The following SHQ1 variants were observed in gnomAD, a reference collection of about 807,000 sequenced individuals.
SHQ1 encodes SHQ1, H/ACA ribonucleoprotein assembly factor.
Under a neutral mutation model 53.8 loss-of-function variants are expected in SHQ1, and 49 were observed. The ratio of observed to expected loss-of-function variants is 0.91; its 90% CI spans 0.72 to 1.16. The LOEUF (loss-of-function observed/expected upper bound fraction) is 1.16. Ranked by LOEUF, SHQ1 falls within the 50% of genes most tolerant of loss-of-function variation. The pLI, the probability that SHQ1 is intolerant of heterozygous loss-of-function variation, is 0.00. For missense variants in SHQ1, 738 were observed against 683.1 expected (o/e 1.08, Z -0.90); for synonymous variants, 243 against 251.0 (o/e 0.97, Z 0.30).
intron 10 of SHQ1, among the ~76,000 whole-genome samples, chr3:72,783,852 C>T (rs1168005427): frequency 6.6e-6 from 1 of 151,918 alleles, no homozygotes; most frequent in Non-Finnish European, 1.5e-5. Flanking sequence ...TCTTGAATAA[C>T]CAAAATGTCC....
chr3:72,738,316 A>C, the SHQ1 span, among the ~76,000 whole-genome samples: 66 of 152,204 alleles, frequency 4.3e-4, no homozygotes, highest in African/African-American at 1.6e-3. Flanking sequence ...AGCCCTTTGC[A>C]ATCTGTAAAG....
chr3:72,740,975 C>G, the SHQ1 span, among the ~76,000 whole-genome samples: 5 of 152,226 alleles, frequency 3.3e-5, no homozygotes, highest in African/African-American at 1.2e-4. Context: ...GCCTTATCCT[C>G]TCTTCATTTC....
chr3:72,831,345 C>A (rs905420402), intron 5 of SHQ1, among the ~76,000 whole-genome samples: 1 of 152,160 alleles, frequency 6.6e-6, no homozygotes, highest in Non-Finnish European at 1.5e-5. Context: ...AGAGCTACAG[C>A]AGTTAAACTG....
chr3:72,845,486 A>G (rs78967455), intron 1 of SHQ1, among the ~76,000 whole-genome samples: 1 of 134,914 alleles, frequency 7.4e-6, no homozygotes. Context: ...TTCTGTGTCC[A>G]AAAAAAAAAA....
chr3:72,831,074 T>C (rs1707807229), intron 5 of SHQ1, among the ~76,000 whole-genome samples: 1 of 152,228 alleles, frequency 6.6e-6, no homozygotes, highest in Non-Finnish European at 1.5e-5. Flanking sequence ...ATGGGTTTCT[T>C]CAAATTGCTC....
chr3:72,787,924 C>G (rs559508181), intron 10 of SHQ1, among the ~76,000 whole-genome samples: 1 of 152,212 alleles, frequency 6.6e-6, no homozygotes, highest in Non-Finnish European at 1.5e-5. Context: ...CCGTGCTGGC[C>G]GGGCTGGTCT....
chr3:72,840,616 GAC>G (rs1708150825), intron 4 of SHQ1, among the ~76,000 whole-genome samples: 1 of 149,402 alleles, frequency 6.7e-6, no homozygotes, highest in Non-Finnish European at 1.5e-5. Context: ...CCAAGAATTA[GAC>G]AATTTGATCA....
At chr3:72,788,359 C>T (rs920835465) in intron 10 of SHQ1, among the ~76,000 whole-genome samples, 40 of 151,006 alleles carry the variant, frequency 2.6e-4, no homozygotes, top group Admixed American at 1.3e-3. Flanking sequence ...GTCTCTGCCC[C>T]GCCGCCACCC....
chr3:72,817,492 T>C, intron 6 of SHQ1, 108 bp from the exon 7 acceptor site: 1 of 1,039,454 alleles, frequency 9.6e-7, no homozygotes, highest in African/African-American at 1.6e-5. Flanking sequence ...GAAATAAAAG[T>C]TCTTTCTACT....
In SHQ1 at chr3:72,750,227, C is replaced by T. The variant is rs772603487; in HGVS notation, c.*57G>A. On this transcript the variant is annotated 3_prime_UTR_variant, in exon 11 of 11. Coordinates refer to ENST00000325599, the MANE Select transcript of SHQ1 (RefSeq NM_018130.3). ...AAAGTGAAAATGAAGAATTCTCATTCGGTAAATGAAACCCAATCTACCATA... is the reference window on the plus strand; with the variant it reads ...AAAGTGAAAATGAAGAATTCTCATTTGGTAAATGAAACCCAATCTACCATA... The T allele has an allele frequency of 7.2e-5, 97 of 1,338,622 alleles. No homozygotes were observed. Among genetic ancestry groups the T allele is most frequent in the Non-Finnish European group, 3.1e-5 (30 of 968,110 alleles). 82.9% of individuals were successfully genotyped at this position (1,338,622 alleles called of 1,614,324 possible). A position where few individuals can be genotyped will look rare whatever the true frequency, so the allele number is the denominator to read the frequency against.
At chr3:72,801,141 T>TAA (rs11366992) in intron 9 of SHQ1, among the ~76,000 whole-genome samples, 1 of 149,618 alleles carries the variant, frequency 6.7e-6, no homozygotes, top group Non-Finnish European at 1.5e-5. Flanking sequence ...GGTAGAACAT[T>TAA]AAAAAAAAAA....
the SHQ1 span, among the ~76,000 whole-genome samples, chr3:72,735,941 G>T: frequency 2.0e-5 from 3 of 151,834 alleles, no homozygotes; most frequent in Non-Finnish European, 4.4e-5. Flanking sequence ...CTGCTTTCTG[G>T]TATATGCAAT....
At chr3:72,842,910 C>A (rs1410662496) in intron 2 of SHQ1, among the ~76,000 whole-genome samples, 9 of 152,076 alleles carry the variant, frequency 5.9e-5, no homozygotes, top group Admixed American at 5.9e-4. Flanking sequence ...CCCATCTCTA[C>A]TAAAAAATAC....
chr3:72,848,413 A>G lies in SHQ1; in HGVS notation c.-73T>C, dbSNP rs1020407763. On this transcript the variant is annotated 5_prime_UTR_variant, in exon 1 of 11. Transcript: ENST00000325599. ...GCGTTCCCGCCACGCAAACTCTCCA[A>G]CTCCCCACGCGCAGGAACTCTCGGT... 5.8e-6 allele frequency: 9 copies of G among 1,564,968 alleles called. No individual in the cohort carries two copies. The highest frequency in any genetic ancestry group is 1.4e-5 in the African/African-American group (1 of 72,438).
intron 9 of SHQ1, among the ~76,000 whole-genome samples, chr3:72,797,428 C>A (rs895304445): frequency 3.3e-5 from 5 of 152,038 alleles, no homozygotes; most frequent in African/African-American, 1.2e-4. Flanking sequence ...TCTATACTTT[C>A]CTCTATTTTC....
intron 10 of SHQ1, among the ~76,000 whole-genome samples, chr3:72,783,724 G>A (rs1011786442): frequency 7.9e-5 from 12 of 151,984 alleles, no homozygotes; most frequent in Non-Finnish European, 1.6e-4. Flanking sequence ...TCTCAAATAC[G>A]TCAAACCCAT....
chr3:72,750,910 C>CA (rs999034628), intron 10 of SHQ1, 74 bp from the exon 11 acceptor site: 5 of 1,276,692 alleles, frequency 3.9e-6, no homozygotes, highest in Admixed American at 5.9e-5. Context: ...ATACAGCTTC[C>CA]AAAAAAATAA....
chr3:72,832,615 T>G (rs749053699), intron 4 of SHQ1, 134 bp from the exon 5 acceptor site: 52 of 614,032 alleles, frequency 8.5e-5, no homozygotes, highest in Non-Finnish European at 1.3e-4. Flanking sequence ...CTGTGACATT[T>G]AGATTCAAAT....
chr3:72,801,783 TAA>T (rs1311554307), intron 9 of SHQ1, among the ~76,000 whole-genome samples: 2 of 152,250 alleles, frequency 1.3e-5, no homozygotes, highest in Non-Finnish European at 2.9e-5. Context: ...TCTCTACATA[TAA>T]GTTTAATTTA....
Sources: gnomAD v4.1 joint callset for allele counts (sites outside exome capture counted in the v4.1 genomes callset) on GRCh38, gnomAD v4.1.1 for gene constraint, MANE v1.5 for transcripts, NCBI Gene and HGNC (gene_info 2026-07-23, HGNC 2026-07-21) for gene names.